GPR39: variants seen among roughly 807,000 people sequenced by gnomAD.
GPR39 encodes G protein-coupled receptor 39, also known as zinc sensing receptor.
In GPR39, 23 loss-of-function variants were observed where a neutral mutation model predicts 18.4. The observed-to-expected ratio is 1.25, with a 90% CI of 0.90 to 1.77. GPR39 has a LOEUF of 1.77. GPR39 is among the 40% of genes most tolerant of loss of function. GPR39 has a pLI of 0.00. For missense variants in GPR39, 647 were observed against 602.4 expected (o/e 1.07, Z -0.78); for synonymous variants, 280 against 257.9 (o/e 1.09, Z -0.82).
At chr2:132,575,453 T>G (rs146901775) in intron 1 of GPR39, among the ~76,000 whole-genome samples, 3 of 152,350 alleles carry the variant, frequency 2.0e-5, no homozygotes, top group East Asian at 3.9e-4. Flanking sequence ...ACAGCCAGAA[T>G]ATTGCTATTG....
At chr2:132,602,038 A>G (rs1157296871) in intron 1 of GPR39, among the ~76,000 whole-genome samples, 1 of 152,106 alleles carries the variant, frequency 6.6e-6, no homozygotes, top group Non-Finnish European at 1.5e-5. Flanking sequence ...AATAGAAAAA[A>G]AAAAACCTTA....
At chr2:132,609,651 A>G (rs887512828) in intron 1 of GPR39, among the ~76,000 whole-genome samples, 6 of 152,190 alleles carry the variant, frequency 3.9e-5, no homozygotes, top group African/African-American at 1.4e-4. Context: ...GAGTTTAGCC[A>G]TCCTTCCTCA....
chr2:132,549,427 T>A (rs1396819467), intron 1 of GPR39, among the ~76,000 whole-genome samples: 1 of 152,168 alleles, frequency 6.6e-6, no homozygotes, highest in Admixed American at 6.5e-5. Context: ...TTAACACGAC[T>A]GAAAAGGAAC....
intron 1 of GPR39, among the ~76,000 whole-genome samples, chr2:132,641,232 G>GA (rs773135654): frequency 8.0e-4 from 122 of 152,330 alleles, no homozygotes; most frequent in Admixed American, 1.2e-3. Context: ...AAATGATTTA[G>GA]AGTTCCCTTA....
At chr2:132,525,104 C>T (rs185300479) in intron 1 of GPR39, among the ~76,000 whole-genome samples, 8 of 152,192 alleles carry the variant, frequency 5.3e-5, no homozygotes, top group Non-Finnish European at 1.2e-4. Flanking sequence ...GCTCTTCAAG[C>T]ACCAGTTGAA....
intron 1 of GPR39, among the ~76,000 whole-genome samples, chr2:132,592,382 A>G (rs959232061): frequency 1.3e-5 from 2 of 152,220 alleles, no homozygotes; most frequent in Non-Finnish European, 2.9e-5. Context: ...CAAAAGTCCT[A>G]GGATAGGTGC....
At chr2:132,592,591 C>CT (rs1338488755) in intron 1 of GPR39, among the ~76,000 whole-genome samples, 3 of 152,296 alleles carry the variant, frequency 2.0e-5, no homozygotes, top group African/African-American at 7.2e-5. Flanking sequence ...ATGATCTGAT[C>CT]TGACTGAGCC....
intron 1 of GPR39, among the ~76,000 whole-genome samples, chr2:132,544,965 A>G (rs1679919450): frequency 6.6e-6 from 1 of 152,252 alleles, no homozygotes; most frequent in Admixed American, 6.5e-5. Flanking sequence ...GGAATGGTAG[A>G]TATATGTAAA....
intron 1 of GPR39, among the ~76,000 whole-genome samples, chr2:132,543,652 G>A (rs775020823): frequency 2.6e-5 from 4 of 152,156 alleles, no homozygotes; most frequent in Non-Finnish European, 5.9e-5. Context: ...TTAGGTCCTA[G>A]CAGCCACATT....
chr2:132,492,118 CACCACATATATATACAT>C (rs1460038997), intron 1 of GPR39, among the ~76,000 whole-genome samples: 7 of 148,636 alleles, frequency 4.7e-5, no homozygotes, highest in African/African-American at 1.7e-4. Context: ...TATATATACA[CACCACATATATATACAT>C]ACCATATATA....
At chr2:132,480,870 A>G (rs186957803) in intron 1 of GPR39, among the ~76,000 whole-genome samples, 105 of 152,192 alleles carry the variant, frequency 6.9e-4, no homozygotes, top group African/African-American at 2.3e-3. Flanking sequence ...TTGACCTTCA[A>G]CTTCTTAGTT....
At chr2:132,502,545 G>T (rs956871768) in intron 1 of GPR39, among the ~76,000 whole-genome samples, 2 of 152,122 alleles carry the variant, frequency 1.3e-5, no homozygotes, top group African/African-American at 2.4e-5. Flanking sequence ...GACTATGTAT[G>T]TAGGCGATGA....
intron 1 of GPR39, among the ~76,000 whole-genome samples, chr2:132,462,022 A>G (rs141824637): frequency 6.6e-6 from 1 of 152,312 alleles, no homozygotes; most frequent in Non-Finnish European, 1.5e-5. Flanking sequence ...GGCCCGTCTA[A>G]CATTTTCTTT....
At chr2:132,631,436 C>G (rs942080337) in intron 1 of GPR39, among the ~76,000 whole-genome samples, 3 of 152,206 alleles carry the variant, frequency 2.0e-5, no homozygotes, top group African/African-American at 7.2e-5. Flanking sequence ...AGGAAGGCAT[C>G]CTCATCTGAT....
At chr2:132,436,298 G>C (rs1415038619) in intron 1 of GPR39, among the ~76,000 whole-genome samples, 1 of 152,328 alleles carries the variant, frequency 6.6e-6, no homozygotes, top group African/African-American at 2.4e-5. Flanking sequence ...TTTTGGAAGA[G>C]TGTCATCAAG....
intron 1 of GPR39, among the ~76,000 whole-genome samples, chr2:132,438,190 G>A (rs981582970): frequency 6.6e-5 from 10 of 152,198 alleles, no homozygotes; most frequent in Admixed American, 6.5e-5. Context: ...AAACAGATAC[G>A]CAAGGTCCAA....
intron 1 of GPR39, among the ~76,000 whole-genome samples, chr2:132,542,902 G>A (rs1271468163): frequency 6.6e-6 from 1 of 152,126 alleles, no homozygotes; most frequent in African/African-American, 2.4e-5. Flanking sequence ...AGTAAGGTAG[G>A]TGTCTGAGTT....
chr2:132,632,722 G>A (rs1039991665), intron 1 of GPR39, among the ~76,000 whole-genome samples: 1 of 152,072 alleles, frequency 6.6e-6, no homozygotes, highest in Middle Eastern at 3.2e-3. Context: ...TTATTGTAAG[G>A]TTTAAATAAG....
chr2:132,445,520 T>C (rs888480090), intron 1 of GPR39, among the ~76,000 whole-genome samples: 7 of 152,198 alleles, frequency 4.6e-5, no homozygotes, highest in African/African-American at 1.7e-4. Flanking sequence ...TAAAATGTAA[T>C]AGACTTAACC....
Sources: allele counts gnomAD v4.1 joint callset (sites outside exome capture counted in the v4.1 genomes callset), GRCh38; gene constraint gnomAD v4.1.1; transcripts MANE v1.5; gene names NCBI Gene and HGNC (gene_info 2026-07-23, HGNC 2026-07-21).